The following PDZRN3 variants were observed in gnomAD, a reference collection of about 807,000 sequenced individuals.
The protein encoded by PDZRN3 is PDZ domain containing ring finger 3.
In PDZRN3, 38 loss-of-function variants were observed where a neutral mutation model predicts 85.7. The ratio of observed to expected loss-of-function variants is 0.44; its 90% CI spans 0.34 to 0.58. The LOEUF is 0.58. PDZRN3 is among the 20% of genes least tolerant of loss of function. PDZRN3 has a pLI of 0.01. For missense variants in PDZRN3, 1,629 were observed against 1,506.4 expected (o/e 1.08, Z -1.35); for synonymous variants, 759 against 638.0 (o/e 1.19, Z -2.86).
intron 3 of PDZRN3, among the ~76,000 whole-genome samples, chr3:73,498,251 A>G (rs1703905708): frequency 6.6e-6 from 1 of 152,194 alleles, no homozygotes; most frequent in African/African-American, 2.4e-5. Context: ...TATCAAGTCC[A>G]TCCACAGTGA....
intron 3 of PDZRN3, among the ~76,000 whole-genome samples, chr3:73,460,972 T>G (rs1414918477): frequency 6.6e-6 from 1 of 152,098 alleles, no homozygotes; most frequent in Admixed American, 6.6e-5. Context: ...TTTTGTATTT[T>G]TAGTAGAGAT....
chr3:73,446,152 C>T (rs1437549220), intron 3 of PDZRN3, among the ~76,000 whole-genome samples: 1 of 152,192 alleles, frequency 6.6e-6, no homozygotes, highest in Non-Finnish European at 1.5e-5. Context: ...CAGCTTATTT[C>T]ATTTTACACC....
intron 3 of PDZRN3, among the ~76,000 whole-genome samples, chr3:73,600,337 A>ACACACACACACACACACTCT (rs34405662): frequency 1.0e-5 from 1 of 100,052 alleles, no homozygotes; most frequent in African/African-American, 4.3e-5. Flanking sequence ...ACACACACAC[A>ACACACACACACACACACTCT]CTCTCTCTCT....
intron 3 of PDZRN3, among the ~76,000 whole-genome samples, chr3:73,459,533 T>A (rs1486614319): frequency 6.6e-6 from 1 of 152,104 alleles, no homozygotes; most frequent in East Asian, 1.9e-4. Context: ...GGCTCCAGTA[T>A]CTGTTGTTCC....
intron 3 of PDZRN3, among the ~76,000 whole-genome samples, chr3:73,470,173 T>C (rs1209161742): frequency 1.3e-5 from 2 of 152,172 alleles, no homozygotes; most frequent in Admixed American, 6.5e-5. Context: ...AAAATTAAAA[T>C]ATTGAACATA....
intron 3 of PDZRN3, among the ~76,000 whole-genome samples, chr3:73,494,103 G>A (rs1029261699): frequency 6.6e-6 from 1 of 152,150 alleles, no homozygotes; most frequent in African/African-American, 2.4e-5. Context: ...TTTGTTTTCT[G>A]CTGAGGCCAA....
At position 73,457,542 on chromosome 3, in the gene PDZRN3, T is replaced by C. The variant is rs934234335; in HGVS notation, c.919-53147A>G. Among the ~76,000 whole-genome samples the C allele has an allele frequency of 3.3e-5, 5 of 152,278 alleles. No homozygotes were observed. The South Asian group carries it at 8.3e-4, about 25-fold the overall frequency. On this transcript the variant is annotated intron_variant, in intron 3 of 9. Transcript: ENST00000263666. ...TACTCCTAGGGTGCGTGCTGTTCCA[T>C]GTGCCCCCTGGATTCCCTTACCTCT...
At chr3:73,493,974 G>A (rs916307180) in intron 3 of PDZRN3, among the ~76,000 whole-genome samples, 2 of 152,210 alleles carry the variant, frequency 1.3e-5, no homozygotes, top group African/African-American at 2.4e-5. Context: ...AATTGAAAGA[G>A]ACCAATCAAC....
rs779678037 is a variant in PDZRN3, at chr3:73,384,453, C to T, written c.2113G>A (p.Ala705Thr). 5.0e-6 allele frequency: 8 copies of T among 1,612,346 alleles called. No individual in the cohort carries two copies. The highest frequency in any genetic ancestry group is 1.1e-5 in the South Asian group (1 of 91,090). The change falls in exon 10 of 10, where the codon GCC becomes ACC. Residue 705 changes from alanine to threonine, a missense_variant. Coordinates refer to ENST00000263666, the MANE Select transcript of PDZRN3 (RefSeq NM_015009.3). ...IELECLSIVR[A>T]HKMQQLKEQY... ...TCCTTGAGCTGCTGCATCTTGTGGG[C>T]GCGCACGATGCTCAGGCACTCCAGC...
chr3:73,506,150 GA>G (rs556250980), intron 3 of PDZRN3, among the ~76,000 whole-genome samples: 3 of 152,148 alleles, frequency 2.0e-5, no homozygotes, highest in Non-Finnish European at 4.4e-5. Flanking sequence ...TTTCAAGTCT[GA>G]ATATCAACAT....
chr3:73,529,923 T>C lies in PDZRN3; in HGVS notation c.918+72431A>G, dbSNP rs147421840. Among the ~76,000 whole-genome samples the C allele has an allele frequency of 2.5e-3, 381 of 152,338 alleles. 9 individuals carry two copies. The highest frequency in any genetic ancestry group is 0.018 in the Admixed American group (278 of 15,304). On this transcript the variant is annotated intron_variant, in intron 3 of 9. Transcript: ENST00000263666. Reference sequence around the variant, plus strand: ...AACAGTCCCTTCCTTATAGGATGGTTGTAAAAATTATATGCATTAATGCAC... The same window carrying C: ...AACAGTCCCTTCCTTATAGGATGGTCGTAAAAATTATATGCATTAATGCAC...
chr3:73,565,187 G>A (rs927501367), intron 3 of PDZRN3, among the ~76,000 whole-genome samples: 1 of 148,668 alleles, frequency 6.7e-6, no homozygotes, highest in Non-Finnish European at 1.5e-5. Context: ...GGAGCGCAGT[G>A]GTGTAATCTC....
intron 3 of PDZRN3, among the ~76,000 whole-genome samples, chr3:73,505,420 C>T (rs746775976): frequency 1.3e-5 from 2 of 152,134 alleles, no homozygotes; most frequent in Non-Finnish European, 2.9e-5. Context: ...TACAAATACA[C>T]TGGGTAGAAA....
intron 3 of PDZRN3, among the ~76,000 whole-genome samples, chr3:73,450,950 C>A (rs796785985): frequency 2.0e-5 from 3 of 151,892 alleles, no homozygotes; most frequent in Admixed American, 6.6e-5. Context: ...AAAGCTGGCA[C>A]ATCTCAAATT....
intron 3 of PDZRN3, among the ~76,000 whole-genome samples, chr3:73,495,308 A>AG (rs1476862855): frequency 1.3e-5 from 2 of 151,772 alleles, no homozygotes; most frequent in Admixed American, 1.3e-4. Flanking sequence ...TTGTAAAAAA[A>AG]AATTAGAACA....
chr3:73,472,205 C>T (rs1268510754), intron 3 of PDZRN3, among the ~76,000 whole-genome samples: 1 of 152,200 alleles, frequency 6.6e-6, no homozygotes, highest in Non-Finnish European at 1.5e-5. Flanking sequence ...GTTAGAGCTG[C>T]CAGGCTGGAT....
chr3:73,435,255 T>C (rs6549536), intron 3 of PDZRN3, among the ~76,000 whole-genome samples: 32,094 of 152,032 alleles, frequency 0.21, 7,081 homozygotes, highest in African/African-American at 0.57. Flanking sequence ...TGACTTGGCT[T>C]ACACCAGCTA....
chr3:73,584,639 T>C (rs1212336414), intron 3 of PDZRN3, among the ~76,000 whole-genome samples: 1 of 152,216 alleles, frequency 6.6e-6, no homozygotes, highest in Non-Finnish European at 1.5e-5. Flanking sequence ...TCTAGTGTTC[T>C]GATTTAGATT....
chr3:73,499,100 G>C (rs1392933668), intron 3 of PDZRN3, among the ~76,000 whole-genome samples: 2 of 152,118 alleles, frequency 1.3e-5, no homozygotes, highest in South Asian at 2.1e-4. Flanking sequence ...CAACCACACG[G>C]CTGGTTCTTA....
Sources: allele counts gnomAD v4.1 joint callset (sites outside exome capture counted in the v4.1 genomes callset), GRCh38; gene constraint gnomAD v4.1.1; transcripts MANE v1.5; gene names NCBI Gene and HGNC (gene_info 2026-07-23, HGNC 2026-07-21).